The following CSAG1 variants were observed in gnomAD, a reference collection of about 807,000 sequenced individuals.
The protein encoded by CSAG1 is chondrosarcoma-associated gene 1 protein.
CSAG1 carries 4 observed loss-of-function variants against 4.8 expected under a neutral mutation model. The observed-to-expected ratio is 0.83, with a 90% CI of 0.41 to 1.90. The LOEUF is 1.90. CSAG1 is among the 40% of genes most tolerant of loss of function. CSAG1 has a pLI of 0.03. For missense variants in CSAG1, 69 were observed against 59.5 expected (o/e 1.16, Z -0.53); for synonymous variants, 21 against 23.1 (o/e 0.91, Z 0.26).
chrX:152,728,254 G>A, intron 2 of CSAG1, 30 bp from the exon 3 acceptor site: 1 of 1,188,795 alleles, frequency 8.4e-7, no homozygotes, highest in East Asian at 3.0e-5. Context: ...TATTATGTTA[G>A]TCTTGTGGTA....
chrX:152,729,574 A>G (rs1280708766), intron 2 of CSAG1, among the ~76,000 whole-genome samples: 2 of 112,382 alleles, frequency 1.8e-5, no homozygotes, highest in Non-Finnish European at 3.8e-5. Context: ...ACAAAAGAAG[A>G]TACACACATG....
Position 152,733,719 on chromosome X carries a change from T to G in CSAG1, c.-96A>C, listed in dbSNP as rs1431132408. 1 of 111,316 alleles carries G rather than the reference T, an allele frequency of 9.0e-6. No homozygotes were observed. Among genetic ancestry groups the G allele is most frequent in the Admixed American group, 9.4e-5 (1 of 10,604 alleles). 9.2% of individuals were successfully genotyped at this position (111,316 alleles called of 1,213,427 possible). ...AGGAAGAATCCAGTTCCACCCCTGC[T>G]GTGAACCCAGGGAAGTCACGGGGCC... On this transcript the variant is annotated 5_prime_UTR_variant, in exon 1 of 4. Coordinates refer to ENST00000452779, the MANE Select transcript of CSAG1 (RefSeq NM_001102576.3).
In CSAG1 at chrX:152,727,846, C is replaced by A; in HGVS notation, c.185G>T (p.Arg62Ile). Residue 62 changes from arginine (R) to isoleucine (I), a missense_variant, in exon 4 of 4, where the codon AGA (arginine) becomes ATA (isoleucine). Physicochemically the swap from Arg to Ile is moderately conservative, Grantham distance 97 (BLOSUM62 -3). Coordinates refer to ENST00000452779, the MANE Select transcript of CSAG1 (RefSeq NM_001102576.3). Reference sequence around the variant, plus strand: ...TTCCTTGACGGGTCCCTTTTCCCTTCTGGGTTGTCTTGGGAACCTGGAAAG... The same window carrying A: ...TTCCTTGACGGGTCCCTTTTCCCTTATGGGTTGTCTTGGGAACCTGGAAAG... ...STPKRFPRQP[R>I]REKGPVKEVP... The A allele has an allele frequency of 8.3e-7, 1 of 1,209,977 alleles. No individual in the cohort carries two copies. The highest frequency in any genetic ancestry group is 1.1e-6 in the Non-Finnish European group (1 of 894,534).
chrX:152,729,590 T>C (rs1335191181), intron 2 of CSAG1, among the ~76,000 whole-genome samples: 1 of 111,922 alleles, frequency 8.9e-6, no homozygotes, highest in African/African-American at 3.3e-5. Flanking sequence ...ACATGGCAAA[T>C]AAGCATAATA....
chrX:152,729,627 G>T lies in CSAG1; in HGVS notation c.17-1403C>A, dbSNP rs1556831447. 6.6e-3 allele frequency among the ~76,000 whole-genome samples: 735 copies of T among 111,906 alleles called. 7 individuals carry two copies. The highest frequency in any genetic ancestry group is 0.022 in the African/African-American group (675 of 30,762). ...ATGTACTAAGCGTGTTTTGTCATTA[G>T]ATAATTGTGTACTAAAATGAGATAC... On this transcript the variant is annotated intron_variant, in intron 2 of 3. Coordinates refer to ENST00000452779, the MANE Select transcript of CSAG1 (RefSeq NM_001102576.3).
chrX:152,730,445 G>C (rs781999128), intron 2 of CSAG1, among the ~76,000 whole-genome samples: 148 of 111,588 alleles, frequency 1.3e-3, no homozygotes, highest in African/African-American at 4.6e-3. Flanking sequence ...TAGTTCATGA[G>C]AGCAGAGACC....
intron 2 of CSAG1, among the ~76,000 whole-genome samples, chrX:152,729,514 C>G (rs1265330308): frequency 8.9e-6 from 1 of 112,096 alleles, no homozygotes; most frequent in East Asian, 2.8e-4. Context: ...ATTCTTAAAG[C>G]TCAGCGATAG....
intron 1 of CSAG1, among the ~76,000 whole-genome samples, 159 bp from the exon 2 acceptor site, chrX:152,732,663 G>A (rs1305055451): frequency 7.1e-5 from 8 of 112,707 alleles, no homozygotes; most frequent in African/African-American, 1.9e-4. Context: ...TTAGCGGCAG[G>A]GATGTTGGGG....
intron 2 of CSAG1, 144 bp from the exon 3 acceptor site, chrX:152,728,368 T>C (rs371685241): frequency 5.1e-6 from 3 of 583,403 alleles, no homozygotes; most frequent in Non-Finnish European, 5.8e-6. Flanking sequence ...AGTCAACTGA[T>C]TGTAAATGTT....
At chrX:152,730,585 C>A (rs1432624053) in intron 2 of CSAG1, among the ~76,000 whole-genome samples, 59 of 111,954 alleles carry the variant, frequency 5.3e-4, no homozygotes, top group African/African-American at 1.9e-3. Context: ...GACATGAAAT[C>A]TGCCAGCACC....
At chrX:152,732,149 T>A (rs1243155015) in intron 2 of CSAG1, among the ~76,000 whole-genome samples, 2 of 112,426 alleles carry the variant, frequency 1.8e-5, no homozygotes, top group Non-Finnish European at 1.9e-5. Context: ...CAGAATGAGG[T>A]GTGCAACAGA....
At chrX:152,729,897 T>C (rs1217895782) in intron 2 of CSAG1, among the ~76,000 whole-genome samples, 1 of 108,313 alleles carries the variant, frequency 9.2e-6, no homozygotes, top group African/African-American at 3.4e-5. Flanking sequence ...AAAACTTATG[T>C]CTACATAAAA....
In CSAG1 at chrX:152,727,527, T is replaced by C. The variant is rs1556830406; in HGVS notation, c.*267A>G. 6.1e-5 allele frequency: 26 copies of C among 423,308 alleles called. No individual in the cohort carries two copies. Among genetic ancestry groups the C allele is most frequent in the South Asian group, 1.7e-4 (5 of 28,714 alleles). 34.9% of individuals were successfully genotyped at this position (423,308 alleles called of 1,213,427 possible). A position where few individuals can be genotyped will look rare whatever the true frequency, so the allele number is the denominator to read the frequency against. ...ATTTTATTTCCATCACCATGGGGCA[T>C]ACCCTTTGGGGTGTAAAACGTACTC... On this transcript the variant is annotated 3_prime_UTR_variant, in exon 4 of 4. Transcript: ENST00000452779.
intron 2 of CSAG1, among the ~76,000 whole-genome samples, 185 bp downstream of exon 2, chrX:152,732,260 T>C (rs1385464235): frequency 8.9e-6 from 1 of 112,183 alleles, no homozygotes. Flanking sequence ...AATCCAAGAA[T>C]TACCTGAATA....
Position 152,727,850 on chromosome X carries a change from G to A in CSAG1, c.181C>T (p.Pro61Ser), listed in dbSNP as rs2124962467. The part of the protein sequence containing the change: ...PSTPKRFPRQ[P>S]RREKGPVKEV... ...TTGACGGGTCCCTTTTCCCTTCTGG[G>A]TTGTCTTGGGAACCTGGAAAGCCAA... Residue 61 changes from proline to serine, a missense_variant, in exon 4 of 4, where the codon CCC becomes TCC. Transcript: ENST00000452779. The A allele has an allele frequency of 8.3e-7, 1 of 1,210,683 alleles. No homozygotes were observed. The highest frequency in any genetic ancestry group is 3.0e-5 in the East Asian group (1 of 33,852).
At chrX:152,732,321 T>C (rs1556227988) in intron 2 of CSAG1, 124 bp downstream of exon 2, 1 of 910,058 alleles carries the variant, frequency 1.1e-6, no homozygotes, top group Non-Finnish European at 1.5e-6. Context: ...TATCGAAGTA[T>C]ACTGACATAT....
At chrX:152,732,012 CT>C (rs1932166708) in intron 2 of CSAG1, among the ~76,000 whole-genome samples, 1 of 111,820 alleles carries the variant, frequency 8.9e-6, no homozygotes, top group South Asian at 3.7e-4. Context: ...ACACAAAAAG[CT>C]ATAAGTATCA....
intron 2 of CSAG1, among the ~76,000 whole-genome samples, chrX:152,730,531 G>A (rs190731767): frequency 4.6e-4 from 51 of 111,603 alleles, no homozygotes; most frequent in Non-Finnish European, 8.7e-4. Flanking sequence ...CGAGGACATA[G>A]GGAAAAGGCA....
At chrX:152,727,998 G>A (rs782731856) in intron 3 of CSAG1, 76 bp downstream of exon 3, 5 of 1,210,198 alleles carry the variant, frequency 4.1e-6, no homozygotes, top group Non-Finnish European at 5.6e-6. Flanking sequence ...CAGGGTAGGA[G>A]TCAGAGCTTG....
Sources: gnomAD v4.1 joint callset for allele counts (sites outside exome capture counted in the v4.1 genomes callset) on GRCh38, gnomAD v4.1.1 for gene constraint, MANE v1.5 for transcripts, NCBI Gene and HGNC (gene_info 2026-07-23, HGNC 2026-07-21) for gene names.